Variants in CIMIP1 observed in about 807,000 individuals in gnomAD.
CIMIP1 encodes low in lung cancer 1.
chr20:58,154,125 G>A, the CIMIP1 span, among the ~76,000 whole-genome samples: 11 of 152,322 alleles, frequency 7.2e-5, no homozygotes, highest in African/African-American at 2.4e-4. Flanking sequence ...AGGGATTCTT[G>A]GGAAAATGCT....
At chr20:58,153,618 T>C in the CIMIP1 span, 1 of 1,609,712 alleles carries the variant, frequency 6.2e-7, no homozygotes, top group Non-Finnish European at 8.5e-7. Flanking sequence ...ACAACCCCTT[T>C]TGAGGAGGTA....
chr20:58,151,161 C>T, the CIMIP1 span: 8 of 840,298 alleles, frequency 9.5e-6, no homozygotes, highest in East Asian at 2.7e-5. Context: ...GAGGGGCGTG[C>T]GCTGAGGATG....
chr20:58,152,349 T>G, the CIMIP1 span, among the ~76,000 whole-genome samples: 86,043 of 151,552 alleles, frequency 0.57, 25,082 homozygotes, highest in East Asian at 0.97. Context: ...CTTGGCTACC[T>G]AACACTTAAA....
chr20:58,153,809 T>G, the CIMIP1 span, among the ~76,000 whole-genome samples: 11 of 152,224 alleles, frequency 7.2e-5, no homozygotes, highest in Non-Finnish European at 1.3e-4. Flanking sequence ...ATGCCAGGCA[T>G]GTTCTAGGTG....
chr20:58,160,489 C>T, the CIMIP1 span, among the ~76,000 whole-genome samples: 3 of 152,124 alleles, frequency 2.0e-5, no homozygotes, highest in Non-Finnish European at 2.9e-5. Flanking sequence ...CCTCACTTCC[C>T]GGAAAGATGA....
the CIMIP1 span, among the ~76,000 whole-genome samples, chr20:58,154,284 T>C: frequency 6.6e-6 from 1 of 152,204 alleles, no homozygotes; most frequent in Admixed American, 6.5e-5. Context: ...GCAGCCAGCA[T>C]GAGCCCAGCC....
the CIMIP1 span, among the ~76,000 whole-genome samples, chr20:58,158,641 C>T: frequency 1.3e-5 from 2 of 151,540 alleles, no homozygotes; most frequent in Non-Finnish European, 2.9e-5. Flanking sequence ...CAGAGTAAGA[C>T]TCCGTCTCAA....
chr20:58,159,615 G>A, the CIMIP1 span, among the ~76,000 whole-genome samples: 1 of 152,124 alleles, frequency 6.6e-6, no homozygotes, highest in African/African-American at 2.4e-5. Context: ...TCTGCTGGGT[G>A]AAACATGATG....
chr20:58,150,999 A>G, the CIMIP1 span: 1 of 1,609,314 alleles, frequency 6.2e-7, no homozygotes, highest in Non-Finnish European at 8.5e-7. Flanking sequence ...GCGGCGGCTG[A>G]ACGCATGAAC....
At chr20:58,158,162 C>T in the CIMIP1 span, among the ~76,000 whole-genome samples, 8 of 152,112 alleles carry the variant, frequency 5.3e-5, no homozygotes, top group Non-Finnish European at 1.2e-4. Flanking sequence ...CAGGGAGGAA[C>T]CATCCAGGCA....
At chr20:58,154,026 G>A in the CIMIP1 span, among the ~76,000 whole-genome samples, 22 of 152,236 alleles carry the variant, frequency 1.4e-4, no homozygotes, top group Non-Finnish European at 3.1e-4. Context: ...TGGGATGAGA[G>A]TCCTCACCTG....
At chr20:58,160,282 A>G in the CIMIP1 span, among the ~76,000 whole-genome samples, 1 of 152,214 alleles carries the variant, frequency 6.6e-6, no homozygotes, top group Non-Finnish European at 1.5e-5. Flanking sequence ...TTCTCATCGA[A>G]ACAGGGTGAC....
At chr20:58,160,632 T>G in the CIMIP1 span, 1 of 1,600,248 alleles carries the variant, frequency 6.2e-7, no homozygotes, top group Non-Finnish European at 8.5e-7. Context: ...TGGCCGAAGG[T>G]CACTAAATCC....
chr20:58,154,008 C>T, the CIMIP1 span, among the ~76,000 whole-genome samples: 1 of 152,252 alleles, frequency 6.6e-6, no homozygotes, highest in Non-Finnish European at 1.5e-5. Context: ...GACTTCCCAT[C>T]TGTAAAGTGG....
the CIMIP1 span, chr20:58,160,931 G>A: frequency 1.1e-4 from 140 of 1,235,992 alleles, no homozygotes; most frequent in African/African-American, 1.6e-4. Flanking sequence ...AGTCCCCTGC[G>A]TACTTGCTCA....
chr20:58,160,090 T>G, the CIMIP1 span, among the ~76,000 whole-genome samples: 1 of 152,262 alleles, frequency 6.6e-6, no homozygotes, highest in African/African-American at 2.4e-5. Context: ...CCTAAACATT[T>G]ACCCTCATTT....
the CIMIP1 span, among the ~76,000 whole-genome samples, chr20:58,158,789 G>C: frequency 6.6e-6 from 1 of 152,050 alleles, no homozygotes; most frequent in Non-Finnish European, 1.5e-5. Flanking sequence ...CTGATGAGAT[G>C]CCTCCCTCCC....
chr20:58,150,977 C>A, the CIMIP1 span: 14 of 1,607,628 alleles, frequency 8.7e-6, no homozygotes, highest in Non-Finnish European at 1.2e-5. Context: ...GGCGCAGAAA[C>A]CTCTCAGCAC....
chr20:58,154,397 C>T, the CIMIP1 span, among the ~76,000 whole-genome samples: 1 of 152,204 alleles, frequency 6.6e-6, no homozygotes, highest in Non-Finnish European at 1.5e-5. Context: ...AAATGAAATG[C>T]TTATGTGGGT....
Sources: allele counts gnomAD v4.1 joint callset (sites outside exome capture counted in the v4.1 genomes callset), GRCh38; gene constraint gnomAD v4.1.1; transcripts MANE v1.5; gene names NCBI Gene and HGNC (gene_info 2026-07-23, HGNC 2026-07-21).